Variants in SPMAP1 observed in about 807,000 individuals in gnomAD.
The protein encoded by SPMAP1 is sperm microtubule associated protein 1.
chr17:38,836,677 G>A, the SPMAP1 span, among the ~76,000 whole-genome samples: 5 of 138,864 alleles, frequency 3.6e-5, no homozygotes, highest in South Asian at 2.2e-4. Flanking sequence ...TGCAACCTCC[G>A]CCTCCCGGGT....
the SPMAP1 span, among the ~76,000 whole-genome samples, chr17:38,835,893 A>G: frequency 6.6e-6 from 1 of 151,946 alleles, no homozygotes; most frequent in African/African-American, 2.4e-5. Context: ...CAGGGGCTTC[A>G]GAGTTGGGAA....
the SPMAP1 span, chr17:38,837,112 A>G: frequency 2.7e-6 from 4 of 1,497,758 alleles, no homozygotes; most frequent in South Asian, 3.4e-5. Flanking sequence ...AGGAACCATG[A>G]TGAGGCTAGA....
chr17:38,837,306 C>A, the SPMAP1 span: 5 of 1,072,292 alleles, frequency 4.7e-6, no homozygotes, highest in African/African-American at 4.9e-5. Flanking sequence ...GGACACAGTG[C>A]AAACTGCCCT....
the SPMAP1 span, among the ~76,000 whole-genome samples, chr17:38,840,664 G>A: frequency 7.0e-6 from 1 of 143,358 alleles, no homozygotes; most frequent in African/African-American, 2.6e-5. Context: ...AAATTAGCCC[G>A]GCGTGATGGC....
At chr17:38,839,478 A>AG in the SPMAP1 span, among the ~76,000 whole-genome samples, 50 of 148,420 alleles carry the variant, frequency 3.4e-4, no homozygotes, top group South Asian at 6.9e-3. Context: ...AAAAAAAAAA[A>AG]AAAAGAAAAG....
the SPMAP1 span, among the ~76,000 whole-genome samples, chr17:38,836,146 C>T: frequency 6.6e-6 from 1 of 152,034 alleles, no homozygotes; most frequent in Non-Finnish European, 1.5e-5. Context: ...GAACTCCTGA[C>T]CTCGTGACCC....
the SPMAP1 span, chr17:38,841,176 C>T: frequency 3.1e-6 from 5 of 1,612,572 alleles, no homozygotes; most frequent in Non-Finnish European, 4.2e-6. Context: ...CCGGGAAGCT[C>T]CTATACCTGA....
chr17:38,837,182 T>C, the SPMAP1 span: 1 of 1,614,048 alleles, frequency 6.2e-7, no homozygotes, highest in South Asian at 1.1e-5. Flanking sequence ...TCTTTGTCCT[T>C]GCCCGAAGAT....
At chr17:38,840,378 TG>T in the SPMAP1 span, among the ~76,000 whole-genome samples, 1 of 152,150 alleles carries the variant, frequency 6.6e-6, no homozygotes, top group East Asian at 1.9e-4. Context: ...CCGACTGGTT[TG>T]GGAGAAGCTG....
chr17:38,839,156 CT>C, the SPMAP1 span, among the ~76,000 whole-genome samples: 1 of 150,610 alleles, frequency 6.6e-6, no homozygotes, highest in South Asian at 2.1e-4. Flanking sequence ...CATTTTCAAC[CT>C]TTTAAATACT....
At chr17:38,841,375 G>T in the SPMAP1 span, 1 of 1,613,962 alleles carries the variant, frequency 6.2e-7, no homozygotes, top group Non-Finnish European at 8.5e-7. Flanking sequence ...GGCGACACTC[G>T]CTCAGGTACG....
the SPMAP1 span, among the ~76,000 whole-genome samples, chr17:38,838,409 G>C: frequency 6.6e-6 from 1 of 151,970 alleles, no homozygotes; most frequent in Admixed American, 6.6e-5. Context: ...AGACTAGCCT[G>C]GCCAACATGG....
the SPMAP1 span, among the ~76,000 whole-genome samples, chr17:38,839,467 CAAA>C: frequency 1.2e-4 from 15 of 124,884 alleles, no homozygotes; most frequent in South Asian, 2.6e-4. Context: ...GACCCTGTCT[CAAA>C]AAAAAAAAAA....
the SPMAP1 span, chr17:38,835,260 G>C: frequency 1.2e-6 from 2 of 1,614,164 alleles, no homozygotes; most frequent in African/African-American, 1.3e-5. Flanking sequence ...GTGTTCCTGC[G>C]GTAGCCAAAC....
the SPMAP1 span, among the ~76,000 whole-genome samples, chr17:38,836,807 G>A: frequency 6.6e-6 from 1 of 151,826 alleles, no homozygotes; most frequent in Non-Finnish European, 1.5e-5. Context: ...GGTTGGCCAG[G>A]CTGGTTTGGA....
chr17:38,836,552 A>G, the SPMAP1 span, among the ~76,000 whole-genome samples: 1 of 149,770 alleles, frequency 6.7e-6, no homozygotes, highest in Non-Finnish European at 1.5e-5. Context: ...GTGAGTAGTA[A>G]TTGTGCTACT....
At chr17:38,841,119 G>C in the SPMAP1 span, 1 of 1,261,954 alleles carries the variant, frequency 7.9e-7, no homozygotes, top group Middle Eastern at 2.0e-4. Flanking sequence ...AGCCTTCTTT[G>C]TGGTGAGAAC....
chr17:38,840,196 C>T, the SPMAP1 span, among the ~76,000 whole-genome samples: 1 of 152,166 alleles, frequency 6.6e-6, no homozygotes, highest in Non-Finnish European at 1.5e-5. Flanking sequence ...GGAGAGCAAG[C>T]CCCATGCCCT....
At chr17:38,839,467 C>CAAAAA in the SPMAP1 span, among the ~76,000 whole-genome samples, 4 of 124,890 alleles carry the variant, frequency 3.2e-5, no homozygotes, top group East Asian at 4.7e-4. Flanking sequence ...GACCCTGTCT[C>CAAAAA]AAAAAAAAAA....
Sources: allele counts gnomAD v4.1 joint callset (sites outside exome capture counted in the v4.1 genomes callset), GRCh38; gene constraint gnomAD v4.1.1; transcripts MANE v1.5; gene names NCBI Gene and HGNC (gene_info 2026-07-23, HGNC 2026-07-21).